Variants in FRMPD2 observed in about 807,000 individuals in gnomAD.
FRMPD2 encodes FERM and PDZ domain-containing protein 2.
In FRMPD2, 96 loss-of-function variants were observed where a neutral mutation model predicts 140.1. The observed-to-expected ratio is 0.69, with a 90% CI of 0.58 to 0.81. The LOEUF (loss-of-function observed/expected upper bound fraction) is 0.81, where lower values mean the gene tolerates loss of function less well. FRMPD2 is among the 40% of genes least tolerant of loss of function. The pLI is 0.00. For synonymous variants in FRMPD2, 449 were observed against 547.6 expected (o/e 0.82, Z 2.52); for missense variants, 1,240 against 1,447.4 (o/e 0.86, Z 2.32).
intron 1 of FRMPD2, among the ~76,000 whole-genome samples, chr10:48,253,816 T>C (rs1263808517): frequency 6.6e-6 from 1 of 152,168 alleles, no homozygotes; most frequent in East Asian, 1.9e-4. Context: ...ACAATAAAAA[T>C]GTATTTTGAT....
chr10:48,264,169 A>G (rs923720477), intron 1 of FRMPD2, among the ~76,000 whole-genome samples: 3 of 152,040 alleles, frequency 2.0e-5, no homozygotes, highest in Non-Finnish European at 4.4e-5. Context: ...TGTAAAAAAA[A>G]AAATCTACGG....
intron 15 of FRMPD2, among the ~76,000 whole-genome samples, chr10:48,194,118 T>A (rs1334985687): frequency 6.6e-6 from 1 of 152,224 alleles, no homozygotes; most frequent in African/African-American, 2.4e-5. Context: ...CATCAACTAC[T>A]AATATTTGCT....
chr10:48,234,429 C>T (rs193281627), intron 9 of FRMPD2, among the ~76,000 whole-genome samples: 17 of 152,274 alleles, frequency 1.1e-4, no homozygotes, highest in Admixed American at 6.5e-4. Context: ...CACGGGACAG[C>T]CATGCTGTAA....
At chr10:48,214,238 A>G (rs1000614562) in intron 12 of FRMPD2, among the ~76,000 whole-genome samples, 1 of 152,208 alleles carries the variant, frequency 6.6e-6, no homozygotes, top group African/African-American at 2.4e-5. Flanking sequence ...AAGACCACCC[A>G]GTCTGTGAGT....
chr10:48,185,064 G>A (rs1486743979), intron 18 of FRMPD2, among the ~76,000 whole-genome samples, 183 bp from the exon 19 acceptor site: 1 of 152,142 alleles, frequency 6.6e-6, no homozygotes, highest in Non-Finnish European at 1.5e-5. Flanking sequence ...GGAGAAAGGT[G>A]GATTGTTCCC....
intron 12 of FRMPD2, among the ~76,000 whole-genome samples, chr10:48,214,066 A>G (rs1290479663): frequency 6.6e-6 from 1 of 152,180 alleles, no homozygotes; most frequent in African/African-American, 2.4e-5. Flanking sequence ...TGCCGAAAAG[A>G]TCTGCTGGGA....
intron 12 of FRMPD2, among the ~76,000 whole-genome samples, chr10:48,214,450 G>C (rs1248418096): frequency 2.6e-5 from 4 of 152,114 alleles, no homozygotes; most frequent in Admixed American, 2.6e-4. Flanking sequence ...TGTCAATGTA[G>C]GTTCATTGAT....
At chr10:48,233,081 T>G (rs936847331) in intron 9 of FRMPD2, among the ~76,000 whole-genome samples, 1 of 152,190 alleles carries the variant, frequency 6.6e-6, no homozygotes, top group Non-Finnish European at 1.5e-5. Flanking sequence ...AGTATCCCCA[T>G]GTCCCAAAGC....
rs138387152 is a variant in FRMPD2, at chr10:48,240,332, G to A, written c.700+28C>T. On this transcript the variant is annotated intron_variant, in intron 6 of 28. Transcript: ENST00000374201. ...AATAGAATGGGTACCATCAGCCCAC[G>A]CAGGGACTGCTTAGGGCACGTACCC... 94 of 1,604,040 alleles carry A rather than the reference G, an allele frequency of 5.9e-5. No individual in the cohort carries two copies. The African/African-American group carries it at 6.8e-4, about 12-fold the overall frequency.
chr10:48,232,861 A>C (rs896398076), intron 9 of FRMPD2, among the ~76,000 whole-genome samples: 1 of 152,060 alleles, frequency 6.6e-6, no homozygotes. Context: ...CTGCCTCTTC[A>C]TCTCCCACCA....
chr10:48,179,591 A>T (rs1180783904), intron 21 of FRMPD2, among the ~76,000 whole-genome samples: 1 of 151,588 alleles, frequency 6.6e-6, no homozygotes, highest in Non-Finnish European at 1.5e-5. Context: ...CTCACATGTC[A>T]CATAAAACTT....
chr10:48,163,751 G>T, intron 27 of FRMPD2, 80 bp from the exon 28 acceptor site: 2 of 698,276 alleles, frequency 2.9e-6, no homozygotes, highest in Non-Finnish European at 5.3e-6. Context: ...TTTCCCCCAT[G>T]TGATTATAGA....
intron 16 of FRMPD2, among the ~76,000 whole-genome samples, chr10:48,188,098 A>C (rs7897122): frequency 0.41 from 61,905 of 151,956 alleles, 13,920 homozygotes; most frequent in African/African-American, 0.58. Flanking sequence ...CAGCTCTGGG[A>C]CTCCTGGACA....
At chr10:48,216,663 A>G (rs151180010) in intron 12 of FRMPD2, among the ~76,000 whole-genome samples, 1 of 152,360 alleles carries the variant, frequency 6.6e-6, no homozygotes, top group African/African-American at 2.4e-5. Flanking sequence ...CAGTTGTCAC[A>G]TGCTAGATAC....
At chr10:48,240,057 AAATC>A (rs1388046706) in intron 6 of FRMPD2, among the ~76,000 whole-genome samples, 1 of 152,268 alleles carries the variant, frequency 6.6e-6, no homozygotes, top group Non-Finnish European at 1.5e-5. Flanking sequence ...ACTGAAAAAA[AAATC>A]AAGTTTTTCT....
At chr10:48,223,351 C>T in intron 10 of FRMPD2, 81 bp from the exon 11 acceptor site, 1 of 1,403,158 alleles carries the variant, frequency 7.1e-7, no homozygotes, top group South Asian at 1.4e-5. Flanking sequence ...CTAAGCCCTA[C>T]CCAGAGTGTC....
chr10:48,207,283 A>T (rs1271511411), intron 13 of FRMPD2, among the ~76,000 whole-genome samples: 1 of 152,194 alleles, frequency 6.6e-6, no homozygotes, highest in Non-Finnish European at 1.5e-5. Context: ...CTTCTGGGAC[A>T]TCTCAAGGTA....
chr10:48,239,620 C>A lies in FRMPD2; in HGVS notation c.773G>T (p.Ser258Ile), dbSNP rs758923637. 6.1e-5 allele frequency: 98 copies of A among 1,613,882 alleles called. No individual in the cohort carries two copies. The highest frequency in any genetic ancestry group is 8.0e-5 in the Non-Finnish European group (94 of 1,179,884). Residue 258 changes from serine (S) to isoleucine (I), a missense_variant, in exon 7 of 29, where the codon AGC (serine) becomes ATC (isoleucine). This residue lies in a region of FRMPD2 where 1,161 missense variants were observed against 1,055.9 expected (regional missense o/e 1.10). Transcript: ENST00000374201. ...TGCTGCTTACCGGTTAACAAGGAGGCTGCAGTGACTGTGTGTCAAGGTGCT... is the reference window on the plus strand; with the variant it reads ...TGCTGCTTACCGGTTAACAAGGAGGATGCAGTGACTGTGTGTCAAGGTGCT... ...HWSTLTHSHC[S>I]LLVNRALPGA...
chr10:48,257,542 A>C (rs1840512911), intron 1 of FRMPD2, among the ~76,000 whole-genome samples: 1 of 152,130 alleles, frequency 6.6e-6, no homozygotes, highest in South Asian at 2.1e-4. Flanking sequence ...AGCCTCACAA[A>C]GTGCTGGGAT....
Sources: allele counts gnomAD v4.1 joint callset (sites outside exome capture counted in the v4.1 genomes callset), GRCh38; gene constraint gnomAD v4.1.1; regional missense constraint gnomAD v4.1.1; transcripts MANE v1.5; gene names NCBI Gene and HGNC (gene_info 2026-07-23, HGNC 2026-07-21).